Variants in TTC29 observed in about 807,000 individuals in gnomAD.
The protein encoded by TTC29 is tetratricopeptide repeat protein 29.
TTC29 carries 49 observed loss-of-function variants against 58.1 expected under a neutral mutation model. That is an observed-to-expected ratio of 0.84 (90% CI 0.67 to 1.07). The LOEUF is 1.07. Ranked by LOEUF, TTC29 falls within the 50% of genes least tolerant of loss-of-function variation. The probability of loss-of-function intolerance (pLI) is 0.00; values close to 1 mark genes in which losing one functional copy is unlikely to be tolerated. For missense variants in TTC29, 582 were observed against 555.6 expected, an observed-to-expected ratio of 1.05 and a Z score of -0.48; for synonymous variants, 209 against 196.8, an observed-to-expected ratio of 1.06 and a Z score of -0.52.
intron 9 of TTC29, among the ~76,000 whole-genome samples, chr4:146,820,881 A>C (rs1751767097): frequency 6.6e-6 from 1 of 152,112 alleles, no homozygotes; most frequent in Non-Finnish European, 1.5e-5. Flanking sequence ...AAATATAAAA[A>C]ATTAGCCAGG....
intron 10 of TTC29, 34 bp downstream of exon 10, chr4:146,820,091 A>G (rs773324020): frequency 7.5e-6 from 12 of 1,607,912 alleles, no homozygotes; most frequent in East Asian, 2.2e-5. Flanking sequence ...AAACACCGCA[A>G]ATTTCTCTAT....
At chr4:146,815,592 C>A (rs1464681912) in intron 10 of TTC29, among the ~76,000 whole-genome samples, 1 of 151,808 alleles carries the variant, frequency 6.6e-6, no homozygotes, top group Non-Finnish European at 1.5e-5. Context: ...CTGGATGGGG[C>A]AGATAAGAGG....
At chr4:146,942,675 C>A in intron 2 of TTC29, 1 of 1,485,104 alleles carries the variant, frequency 6.7e-7, no homozygotes, top group Non-Finnish European at 9.0e-7. Flanking sequence ...TAACCCACAC[C>A]AGTGTAGCCC....
At chr4:146,928,962 G>A (rs1006092511) in intron 4 of TTC29, among the ~76,000 whole-genome samples, 5 of 151,980 alleles carry the variant, frequency 3.3e-5, no homozygotes, top group African/African-American at 1.2e-4. Context: ...TTATCCCTTA[G>A]GAACAATGTG....
intron 4 of TTC29, among the ~76,000 whole-genome samples, chr4:146,933,244 A>G (rs1230026702): frequency 6.6e-6 from 1 of 152,186 alleles, no homozygotes; most frequent in Non-Finnish European, 1.5e-5. Context: ...GATGCCCACA[A>G]TTTTGAACCA....
At chr4:146,770,016 A>T (rs890978963) in intron 11 of TTC29, among the ~76,000 whole-genome samples, 2 of 152,038 alleles carry the variant, frequency 1.3e-5, no homozygotes, top group Non-Finnish European at 2.9e-5. Context: ...TGCTCAAGCA[A>T]GTGGGGGCAC....
chr4:146,761,278 T>C (rs1387490131), intron 11 of TTC29, among the ~76,000 whole-genome samples: 2 of 151,882 alleles, frequency 1.3e-5, no homozygotes, highest in African/African-American at 4.8e-5. Context: ...ATCACAAATA[T>C]AATCTTAGGT....
At chr4:146,729,044 G>T (rs1744129094) in intron 11 of TTC29, among the ~76,000 whole-genome samples, 1 of 151,524 alleles carries the variant, frequency 6.6e-6, no homozygotes, top group Non-Finnish European at 1.5e-5. Flanking sequence ...GTTGTTGAAT[G>T]AATGAATGTG....
chr4:146,755,569 G>A (rs1165397549), intron 11 of TTC29, among the ~76,000 whole-genome samples: 1 of 152,082 alleles, frequency 6.6e-6, no homozygotes, highest in East Asian at 1.9e-4. Flanking sequence ...TAATAAGATT[G>A]TATTGTATAT....
At chr4:146,934,696 G>T (rs1043126204) in intron 4 of TTC29, among the ~76,000 whole-genome samples, 2 of 152,144 alleles carry the variant, frequency 1.3e-5, no homozygotes, top group African/African-American at 4.8e-5. Context: ...CTGCAAAGAA[G>T]ACTGAAGTGC....
intron 8 of TTC29, among the ~76,000 whole-genome samples, chr4:146,861,965 T>C (rs1052046944): frequency 6.6e-6 from 1 of 151,956 alleles, no homozygotes; most frequent in African/African-American, 2.4e-5. Flanking sequence ...CAATTAAAGA[T>C]AGACTGAATA....
At chr4:146,792,342 A>G (rs1156842895) in intron 11 of TTC29, among the ~76,000 whole-genome samples, 1 of 152,128 alleles carries the variant, frequency 6.6e-6, no homozygotes, top group African/African-American at 2.4e-5. Context: ...AATCTACCAC[A>G]CCTGTGCTCT....
At chr4:146,800,838 C>T (rs1750164118) in intron 11 of TTC29, among the ~76,000 whole-genome samples, 1 of 152,124 alleles carries the variant, frequency 6.6e-6, no homozygotes, top group African/African-American at 2.4e-5. Flanking sequence ...GAGACTTTTA[C>T]CCTTAATCAG....
chr4:146,832,290 A>G (rs1728215493), intron 9 of TTC29, among the ~76,000 whole-genome samples: 1 of 152,160 alleles, frequency 6.6e-6, no homozygotes, highest in South Asian at 2.1e-4. Context: ...AATTCTTATC[A>G]GTCTCTTCTT....
intron 11 of TTC29, among the ~76,000 whole-genome samples, chr4:146,755,044 T>C (rs1746337513): frequency 6.6e-6 from 1 of 152,168 alleles, no homozygotes; most frequent in South Asian, 2.1e-4. Flanking sequence ...TCAGTAAAAT[T>C]GCAGGATAAA....
chr4:146,830,272 A>G (rs138268775), intron 9 of TTC29, among the ~76,000 whole-genome samples: 1,732 of 152,302 alleles, frequency 0.011, 27 homozygotes, highest in Non-Finnish European at 0.017. Context: ...TTGTTCACTT[A>G]TTAACACCTT....
chr4:146,841,189 A>G (rs1017410127), intron 8 of TTC29, among the ~76,000 whole-genome samples: 5 of 152,262 alleles, frequency 3.3e-5, no homozygotes, highest in Middle Eastern at 3.4e-3. Context: ...TGAGCACCTC[A>G]ACATGTTTGG....
intron 11 of TTC29, among the ~76,000 whole-genome samples, chr4:146,727,732 A>T (rs2150013842): frequency 6.6e-6 from 1 of 152,332 alleles, no homozygotes; most frequent in Non-Finnish European, 1.5e-5. Context: ...TGTTTATTAA[A>T]ATAAATTCAG....
intron 10 of TTC29, among the ~76,000 whole-genome samples, chr4:146,809,096 A>C (rs571670618): frequency 6.7e-6 from 1 of 149,896 alleles, no homozygotes; most frequent in Admixed American, 6.9e-5. Flanking sequence ...ATCTACAACC[A>C]ACTGATCTTT....
Sources: gnomAD v4.1 joint callset for allele counts (sites outside exome capture counted in the v4.1 genomes callset) on GRCh38, gnomAD v4.1.1 for gene constraint, MANE v1.5 for transcripts, NCBI Gene and HGNC (gene_info 2026-07-23, HGNC 2026-07-21) for gene names.